The following PGBD5 variants were observed in gnomAD, a reference collection of about 807,000 sequenced individuals.
PGBD5 encodes piggyBac transposable element derived 5.
In PGBD5, 14 loss-of-function variants were observed where a neutral mutation model predicts 47.9. The observed-to-expected ratio is 0.29, with a 90% confidence interval of 0.19 to 0.46. The LOEUF (loss-of-function observed/expected upper bound fraction) is 0.46. Among genes scored for constraint, PGBD5 ranks in the 20% least tolerant of loss-of-function variants. The pLI is 1.00. For missense variants in PGBD5, 635 were observed against 716.0 expected, an observed-to-expected ratio of 0.89 and a Z score of 1.29; for synonymous variants, 316 against 306.3, an observed-to-expected ratio of 1.03 and a Z score of -0.33.
intron 1 of PGBD5, among the ~76,000 whole-genome samples, chr1:230,366,339 G>A (rs994930756): frequency 7.0e-6 from 1 of 143,146 alleles, no homozygotes; most frequent in African/African-American, 2.5e-5. Flanking sequence ...AGATGGGGCT[G>A]GGGGGTGGTG....
At chr1:230,399,390 G>A (rs888849889) in intron 1 of PGBD5, among the ~76,000 whole-genome samples, 4 of 152,180 alleles carry the variant, frequency 2.6e-5, no homozygotes, top group African/African-American at 9.7e-5. Flanking sequence ...CAGAACACGA[G>A]GCCCAGGCCA....
At chr1:230,418,284 C>G (rs752076469) in intron 1 of PGBD5, among the ~76,000 whole-genome samples, 1 of 152,170 alleles carries the variant, frequency 6.6e-6, no homozygotes, top group African/African-American at 2.4e-5. Flanking sequence ...AACCAAAAGT[C>G]TACCGATAGG....
chr1:230,379,595 G>A (rs968169150), intron 1 of PGBD5, among the ~76,000 whole-genome samples: 8 of 152,204 alleles, frequency 5.3e-5, no homozygotes, highest in Admixed American at 3.3e-4. Context: ...AGCATGCAAT[G>A]CCCTTCAGGC....
At chr1:230,355,411 T>C (rs1667620924) in intron 2 of PGBD5, among the ~76,000 whole-genome samples, 1 of 152,232 alleles carries the variant, frequency 6.6e-6, no homozygotes, top group African/African-American at 2.4e-5. Flanking sequence ...CACACAGCCT[T>C]CTGCGGCACC....
At position 230,315,776 on chromosome 1, in the gene PGBD5, A is replaced by T. The variant is rs1248726841; in HGVS notation, c.*7649T>A. On this transcript the variant is annotated 3_prime_UTR_variant, in exon 7 of 7. Coordinates refer to ENST00000391860, the MANE Select transcript of PGBD5 (RefSeq NM_001258311.2). ...ATACACATACATATATTATAGATGT[A>T]TGCATATATGTATATATGTATACAT... is the stretch of plus-strand genomic sequence containing the variant. 2 of 149,560 alleles carry T rather than the reference A, an allele frequency of 1.3e-5. No homozygotes were observed. Among genetic ancestry groups the T allele is most frequent in the Non-Finnish European group, 3.0e-5 (2 of 67,256 alleles). The allele number at this position is 149,560 out of a possible 1,614,324, so 9.3% of individuals were successfully genotyped here. A position where few individuals can be genotyped will look rare whatever the true frequency, so the allele number is the denominator to read the frequency against.
intron 2 of PGBD5, among the ~76,000 whole-genome samples, chr1:230,351,467 TG>T (rs1667560175): frequency 6.6e-6 from 1 of 152,204 alleles, no homozygotes; most frequent in African/African-American, 2.4e-5. Context: ...TGCCTGGTGA[TG>T]GGCACCCACT....
chr1:230,425,752 GGAGGCGGCC>G lies in PGBD5; in HGVS notation c.168_176del (p.Ala57_Ser59del), dbSNP rs1475627432. The G allele has an allele frequency of 8.2e-6, 10 of 1,212,622 alleles. No individual in the cohort carries two copies. The highest frequency in any genetic ancestry group is 7.2e-6 in the Non-Finnish European group (7 of 975,804). 75.1% of individuals were successfully genotyped at this position (1,212,622 alleles called of 1,614,324 possible). The stretch of plus-strand genomic sequence containing the variant: ...CCGGGGGCTCGCGCTCGTCGTCCGA[GGAGGCGGCC>G]GAGGAGGAGCGCGAGGCGGCCGAGG... On this transcript the variant is annotated inframe_deletion, in exon 1 of 7. Coordinates refer to ENST00000391860, the MANE Select transcript of PGBD5 (RefSeq NM_001258311.2). The surrounding 1 kb of genome is among the most constrained non-coding windows in gnomAD (Gnocchi z 4.7).
intron 1 of PGBD5, among the ~76,000 whole-genome samples, chr1:230,375,434 G>T (rs1667996486): frequency 1.3e-5 from 2 of 152,114 alleles, no homozygotes; most frequent in African/African-American, 4.8e-5. Flanking sequence ...GACACACAAG[G>T]AAGTCACCCC....
chr1:230,406,586 GA>G (rs1657302100), intron 1 of PGBD5, among the ~76,000 whole-genome samples: 1 of 152,060 alleles, frequency 6.6e-6, no homozygotes, highest in Admixed American at 6.6e-5. Flanking sequence ...ATACAAGACA[GA>G]ACAACAGAGT....
At chr1:230,384,021 G>A (rs900484436) in intron 1 of PGBD5, among the ~76,000 whole-genome samples, 5 of 149,812 alleles carry the variant, frequency 3.3e-5, no homozygotes, top group South Asian at 2.1e-4. Context: ...TGCTTGTCCC[G>A]TCCGTCCAAG....
chr1:230,351,647 G>A (rs952630423), intron 2 of PGBD5, among the ~76,000 whole-genome samples: 5 of 152,058 alleles, frequency 3.3e-5, no homozygotes, highest in African/African-American at 4.8e-5. Context: ...GACAGCCCTC[G>A]TGTCAGCCCA....
intron 3 of PGBD5, among the ~76,000 whole-genome samples, chr1:230,339,587 G>A (rs531488568): frequency 2.0e-4 from 30 of 152,262 alleles, no homozygotes; most frequent in Middle Eastern, 3.4e-3. Flanking sequence ...ATTCACAATC[G>A]CCAAGATATG....
intron 1 of PGBD5, among the ~76,000 whole-genome samples, chr1:230,412,387 CTTT>C (rs34303231): frequency 1.3e-4 from 17 of 127,628 alleles, no homozygotes; most frequent in Admixed American, 3.3e-4. Context: ...ATCCTAAAGT[CTTT>C]TTTTTTTTTT....
At chr1:230,362,388 G>A in intron 1 of PGBD5, 1 of 1,362,040 alleles carries the variant, frequency 7.3e-7, no homozygotes, top group Non-Finnish European at 9.8e-7. Context: ...CTGGATGACA[G>A]ACAGTTGTGG....
intron 4 of PGBD5, among the ~76,000 whole-genome samples, chr1:230,333,409 A>G (rs1357833140): frequency 6.6e-6 from 1 of 152,192 alleles, no homozygotes; most frequent in Non-Finnish European, 1.5e-5. Flanking sequence ...ATCTACTTCA[A>G]GAAACTTCTG....
chr1:230,330,354 G>A (rs985446000), intron 5 of PGBD5, among the ~76,000 whole-genome samples: 3 of 152,292 alleles, frequency 2.0e-5, no homozygotes, highest in South Asian at 2.1e-4. Flanking sequence ...CAGCACTTCC[G>A]CTTTTGGATT....
chr1:230,363,186 G>A (rs1040065026), intron 1 of PGBD5, among the ~76,000 whole-genome samples: 10 of 152,196 alleles, frequency 6.6e-5, no homozygotes, highest in South Asian at 6.2e-4. Flanking sequence ...AGCGATGCAG[G>A]TCCTGGGGGC....
chr1:230,357,263 G>C lies in PGBD5; in HGVS notation c.390C>G (p.Val130=). Residue 130 remains valine, a synonymous_variant, in exon 2 of 7, where the codon GTC becomes GTG. Coordinates refer to ENST00000391860, the MANE Select transcript of PGBD5 (RefSeq NM_001258311.2). The surrounding 1 kb of genome is among the most constrained non-coding windows in gnomAD (Gnocchi z 5.7). Reference sequence around the variant, plus strand: ...CCATGTTCTTGAGGACGTTGTCTGGGACAAAGAGCTGGAAGAAGTCCACGG... The same window carrying C: ...CCATGTTCTTGAGGACGTTGTCTGGCACAAAGAGCTGGAAGAAGTCCACGG... ...ASAVDFFQLF[V]PDNVLKNMVV... is the part of the protein sequence containing the mutation. 3 of 1,614,126 alleles carry C rather than the reference G, an allele frequency of 1.9e-6. No individual in the cohort carries two copies. Among genetic ancestry groups the C allele is most frequent in the Non-Finnish European group, 2.5e-6 (3 of 1,180,026 alleles).
At chr1:230,403,717 G>A (rs957307111) in intron 1 of PGBD5, among the ~76,000 whole-genome samples, 10 of 152,226 alleles carry the variant, frequency 6.6e-5, no homozygotes, top group Admixed American at 1.3e-4. Context: ...GGACACAGAA[G>A]AGCCGCCTTC....
Sources: gnomAD v4.1 joint callset for allele counts (sites outside exome capture counted in the v4.1 genomes callset) on GRCh38, gnomAD v4.1.1 for gene constraint, Gnocchi (gnomAD v3.1) non-coding constraint, MANE v1.5 for transcripts, NCBI Gene and HGNC (gene_info 2026-07-23, HGNC 2026-07-21) for gene names.